The following USP48 variants were observed in gnomAD, a reference collection of about 807,000 sequenced individuals.
USP48 encodes the protein ubiquitin carboxyl-terminal hydrolase 48.
Under a neutral mutation model 150.7 loss-of-function variants are expected in USP48, and 43 were observed. The ratio of observed to expected loss-of-function variants is 0.29; its 90% CI spans 0.22 to 0.37. The LOEUF is 0.37. Ranked by LOEUF, USP48 falls within the 10% of genes least tolerant of loss-of-function variation. The pLI is 1.00. For missense variants in USP48, 813 were observed against 1,249.6 expected (o/e 0.65, Z 5.27); for synonymous variants, 396 against 425.9 (o/e 0.93, Z 0.86).
At chr1:21,741,773 C>T (rs952395552) in intron 8 of USP48, among the ~76,000 whole-genome samples, 5 of 152,006 alleles carry the variant, frequency 3.3e-5, no homozygotes, top group Non-Finnish European at 5.9e-5. Flanking sequence ...GCCGTAAGTC[C>T]GAAACCAGCC....
intron 1 of USP48, among the ~76,000 whole-genome samples, chr1:21,778,743 T>C (rs147618037): frequency 0.012 from 1,849 of 151,812 alleles, 19 homozygotes; most frequent in Non-Finnish European, 0.021. Context: ...TGGGACTCCA[T>C]TTCCACAAAT....
At chr1:21,736,956 T>G (rs1208654144) in intron 8 of USP48, among the ~76,000 whole-genome samples, 1 of 152,156 alleles carries the variant, frequency 6.6e-6, no homozygotes, top group Non-Finnish European at 1.5e-5. Flanking sequence ...GCCACACGCT[T>G]CCCAAGAATC....
chr1:21,728,266 T>C, intron 11 of USP48: 4 of 1,082,906 alleles, frequency 3.7e-6, no homozygotes, highest in Non-Finnish European at 4.5e-6. Flanking sequence ...AATCGGATTT[T>C]TCTTAAACAA....
At chr1:21,750,685 C>T (rs140209003) in intron 6 of USP48, among the ~76,000 whole-genome samples, 2,055 of 151,998 alleles carry the variant, frequency 0.014, 47 homozygotes, top group African/African-American at 0.047. Flanking sequence ...CCAGCCTGAC[C>T]GACATGGTAA....
intron 23 of USP48, among the ~76,000 whole-genome samples, chr1:21,692,286 G>A (rs1459619867): frequency 6.6e-6 from 1 of 152,042 alleles, no homozygotes; most frequent in Non-Finnish European, 1.5e-5. Context: ...GTACTGACAG[G>A]ACAGTTCTAT....
chr1:21,782,844 G>A lies in USP48; in HGVS notation c.114C>T (p.Pro38=). ...IETAYRIWLE[P]CIRGVCRRNC... The stretch of plus-strand genomic sequence containing the variant: ...CTCACCTGCACACGCCGCGAATGCA[G>A]GGCTCCAGCCAGATGCGGTAAGCGG... Residue 38 remains proline (P), a synonymous_variant, in exon 1 of 27, where the codon CCC becomes CCT. Coordinates refer to ENST00000308271, the MANE Select transcript of USP48 (RefSeq NM_032236.8). The A allele has an allele frequency of 6.4e-7, 1 of 1,558,478 alleles. No homozygotes were observed. The highest frequency in any genetic ancestry group is 8.7e-7 in the Non-Finnish European group (1 of 1,153,152).
intron 1 of USP48, among the ~76,000 whole-genome samples, chr1:21,774,325 TAC>T (rs989690096): frequency 8.5e-5 from 13 of 152,176 alleles, no homozygotes; most frequent in Admixed American, 7.8e-4. Flanking sequence ...TCTGCTTCAT[TAC>T]AGTTACCATT....
chr1:21,759,660 T>G (rs1000134886), intron 1 of USP48, among the ~76,000 whole-genome samples: 5 of 152,052 alleles, frequency 3.3e-5, no homozygotes, highest in Admixed American at 6.6e-5. Context: ...CTGGTCAAAT[T>G]TGGCAACAAA....
At chr1:21,782,771 G>T in intron 1 of USP48, 53 bp downstream of exon 1, 7 of 1,487,682 alleles carry the variant, frequency 4.7e-6, no homozygotes, top group Non-Finnish European at 6.3e-6. Context: ...CCCCGCCCGG[G>T]CTTTCCAAGG....
intron 1 of USP48, among the ~76,000 whole-genome samples, chr1:21,775,132 T>C (rs1288440734): frequency 1.3e-5 from 2 of 151,958 alleles, no homozygotes; most frequent in East Asian, 3.9e-4. Flanking sequence ...TCTTGCTCTA[T>C]CGCCCAAGCT....
chr1:21,694,565 G>A (rs2097616453), intron 23 of USP48, among the ~76,000 whole-genome samples: 1 of 56,840 alleles, frequency 1.8e-5, no homozygotes, highest in Non-Finnish European at 2.7e-5. Flanking sequence ...GTGAGGCTCT[G>A]TCTCACCAAA....
At chr1:21,769,260 A>T (rs1225228764) in intron 1 of USP48, among the ~76,000 whole-genome samples, 2 of 152,142 alleles carry the variant, frequency 1.3e-5, no homozygotes, top group Non-Finnish European at 2.9e-5. Flanking sequence ...GAAATAACAC[A>T]GGAGAATATT....
intron 3 of USP48, 97 bp from the exon 4 acceptor site, chr1:21,753,216 T>G: frequency 2.3e-5 from 28 of 1,237,302 alleles, no homozygotes; most frequent in Non-Finnish European, 2.8e-5. Flanking sequence ...TAAACATCTC[T>G]ACATCCAAAC....
chr1:21,693,753 A>G (rs2097611712), intron 23 of USP48, among the ~76,000 whole-genome samples: 2 of 152,240 alleles, frequency 1.3e-5, no homozygotes, highest in South Asian at 4.1e-4. Context: ...GGTTTCTTAG[A>G]TGTAAAAGGT....
intron 11 of USP48, 142 bp downstream of exon 11, chr1:21,728,428 A>T: frequency 6.9e-7 from 1 of 1,442,810 alleles, no homozygotes; most frequent in South Asian, 1.6e-5. Flanking sequence ...GTTGGTTTAC[A>T]AAGTACTTTT....
At chr1:21,721,511 G>T (rs1327760315) in intron 13 of USP48, 139 bp downstream of exon 13, 4 of 670,928 alleles carry the variant, frequency 6.0e-6, no homozygotes, top group Middle Eastern at 4.2e-4. Context: ...ATTTACTTTT[G>T]ATCTGGCTCT....
At chr1:21,779,194 C>T (rs2097908318) in intron 1 of USP48, among the ~76,000 whole-genome samples, 1 of 152,110 alleles carries the variant, frequency 6.6e-6, no homozygotes, top group South Asian at 2.1e-4. Context: ...GCCATGATTG[C>T]ACTGCAATAC....
chr1:21,753,718 T>C (rs1484023081), intron 3 of USP48, among the ~76,000 whole-genome samples: 1 of 149,272 alleles, frequency 6.7e-6, no homozygotes, highest in East Asian at 2.0e-4. Flanking sequence ...TCCCTGCTAC[T>C]TGGGAGGCTG....
rs908524082 is a variant in USP48, at chr1:21,678,794, T to G, written c.*623A>C. 3.3e-5 allele frequency: 5 copies of G among 153,328 alleles called. No individual in the cohort carries two copies. The Admixed American group carries it at 3.3e-4, about 10-fold the overall frequency. The allele number at this position is 153,328 out of a possible 1,614,324, so 9.5% of individuals were successfully genotyped here. A position where few individuals can be genotyped will look rare whatever the true frequency, so the allele number is the denominator to read the frequency against. On this transcript the variant is annotated 3_prime_UTR_variant, in exon 27 of 27. Coordinates refer to ENST00000308271, the MANE Select transcript of USP48 (RefSeq NM_032236.8). ...TTGCAGGAGACATGCAGGTGCCCCC[T>G]CCTTTACCCAATACCAAGAGACAGA...
Sources: gnomAD v4.1 joint callset for allele counts (sites outside exome capture counted in the v4.1 genomes callset) on GRCh38, gnomAD v4.1.1 for gene constraint, MANE v1.5 for transcripts, NCBI Gene and HGNC (gene_info 2026-07-23, HGNC 2026-07-21) for gene names.